The following TMEM132D variants were observed in gnomAD, a reference collection of about 807,000 sequenced individuals.
TMEM132D encodes the protein transmembrane protein 132D.
In TMEM132D, 21 loss-of-function variants were observed where a neutral mutation model predicts 62.3. The ratio of observed to expected loss-of-function variants is 0.34; its 90% CI spans 0.24 to 0.49. The LOEUF (loss-of-function observed/expected upper bound fraction) is 0.49, where lower values mean the gene tolerates loss of function less well. TMEM132D is among the 20% of genes least tolerant of loss of function. The pLI is 0.99. For synonymous variants in TMEM132D, 621 were observed against 575.6 expected, an observed-to-expected ratio of 1.08 and a Z score of -1.13; for missense variants, 1,346 against 1,402.8, an observed-to-expected ratio of 0.96 and a Z score of 0.65.
chr12:129,700,844 C>G (rs770490508), intron 1 of TMEM132D, 146 bp from the exon 2 acceptor site: 1 of 892,556 alleles, frequency 1.1e-6, no homozygotes, highest in Non-Finnish European at 1.6e-6. Flanking sequence ...TTAATCCAAT[C>G]TACTCGCTTC....
intron 4 of TMEM132D, among the ~76,000 whole-genome samples, chr12:129,315,938 A>G (rs1297245960): frequency 6.6e-6 from 1 of 152,168 alleles, no homozygotes; most frequent in Non-Finnish European, 1.5e-5. Context: ...AAAGGTGTTC[A>G]TAGTAACCTT....
intron 4 of TMEM132D, among the ~76,000 whole-genome samples, chr12:129,287,753 T>A (rs76632574): frequency 0.13 from 19,713 of 152,058 alleles, 1,480 homozygotes; most frequent in South Asian, 0.21. Flanking sequence ...AAAAGGTTGA[T>A]CTTTTGTGTG....
intron 5 of TMEM132D, among the ~76,000 whole-genome samples, chr12:129,109,192 C>A (rs1181133583): frequency 6.6e-6 from 1 of 152,160 alleles, no homozygotes; most frequent in Non-Finnish European, 1.5e-5. Flanking sequence ...AGACCCCAGG[C>A]CCGAATGGCC....
At chr12:129,664,934 C>T (rs1880338322) in intron 2 of TMEM132D, among the ~76,000 whole-genome samples, 2 of 152,166 alleles carry the variant, frequency 1.3e-5, no homozygotes. Context: ...TGTATGCATT[C>T]ACCACCACGA....
At chr12:129,147,627 AC>A (rs761932740) in intron 5 of TMEM132D, among the ~76,000 whole-genome samples, 2 of 151,896 alleles carry the variant, frequency 1.3e-5, no homozygotes, top group East Asian at 3.9e-4. Context: ...GTGTTAGACA[AC>A]GTATTCGTGT....
intron 5 of TMEM132D, among the ~76,000 whole-genome samples, chr12:129,098,067 G>A (rs570452643): frequency 3.9e-5 from 6 of 152,228 alleles, no homozygotes; most frequent in Non-Finnish European, 7.4e-5. Flanking sequence ...TAGTTCTGTG[G>A]CCCACTTTAA....
At chr12:129,314,464 A>C (rs866432651) in intron 4 of TMEM132D, among the ~76,000 whole-genome samples, 39 of 152,220 alleles carry the variant, frequency 2.6e-4, no homozygotes, top group African/African-American at 9.1e-4. Context: ...ATTCTGTTCC[A>C]TTGGTCTGTG....
intron 4 of TMEM132D, among the ~76,000 whole-genome samples, chr12:129,304,322 C>G (rs888990257): frequency 6.6e-6 from 1 of 152,152 alleles, no homozygotes; most frequent in African/African-American, 2.4e-5. Flanking sequence ...CAGGTCATGG[C>G]CTGAACAATC....
At chr12:129,315,044 G>A (rs1868438151) in intron 4 of TMEM132D, among the ~76,000 whole-genome samples, 2 of 152,100 alleles carry the variant, frequency 1.3e-5, no homozygotes, top group African/African-American at 2.4e-5. Context: ...GAGCTTTCAG[G>A]AGGAGTACTT....
intron 4 of TMEM132D, among the ~76,000 whole-genome samples, chr12:129,243,307 T>C (rs1358500822): frequency 2.0e-5 from 3 of 152,196 alleles, no homozygotes; most frequent in Non-Finnish European, 4.4e-5. Context: ...TACACGAGGA[T>C]TTTTAAGTTT....
At chr12:129,421,265 G>A (rs1346259626) in intron 3 of TMEM132D, among the ~76,000 whole-genome samples, 1 of 151,832 alleles carries the variant, frequency 6.6e-6, no homozygotes, top group Non-Finnish European at 1.5e-5. Flanking sequence ...GCCTGGCCTA[G>A]TGGATCTATT....
At chr12:129,218,490 G>A (rs1879269743) in intron 4 of TMEM132D, among the ~76,000 whole-genome samples, 1 of 149,468 alleles carries the variant, frequency 6.7e-6, no homozygotes, top group Non-Finnish European at 1.5e-5. Context: ...ACCATGGTAA[G>A]TATTTACCAT....
chr12:129,146,034 T>C (rs143387786), intron 5 of TMEM132D, among the ~76,000 whole-genome samples: 1 of 151,892 alleles, frequency 6.6e-6, no homozygotes, highest in Admixed American at 6.6e-5. Flanking sequence ...TGTGAAATGA[T>C]TACATAAGCT....
intron 3 of TMEM132D, among the ~76,000 whole-genome samples, chr12:129,503,979 T>G (rs1171119757): frequency 7.0e-6 from 1 of 142,166 alleles, no homozygotes; most frequent in Non-Finnish European, 1.5e-5. Context: ...TCATCACTAT[T>G]GTCATCATCA....
chr12:129,270,821 A>G (rs12300341), intron 4 of TMEM132D, among the ~76,000 whole-genome samples: 6,453 of 152,300 alleles, frequency 0.042, 258 homozygotes, highest in East Asian at 0.21. Flanking sequence ...CCAATTTGGT[A>G]CATGTCAAAA....
chr12:129,435,962 A>G (rs1206277145), intron 3 of TMEM132D, among the ~76,000 whole-genome samples: 2 of 152,210 alleles, frequency 1.3e-5, no homozygotes, highest in African/African-American at 4.8e-5. Flanking sequence ...TTTGGTCAAT[A>G]AGATACAAGT....
intron 1 of TMEM132D, among the ~76,000 whole-genome samples, chr12:129,776,219 C>T (rs1042794212): frequency 7.2e-5 from 11 of 152,026 alleles, no homozygotes; most frequent in Middle Eastern, 3.2e-3. Context: ...TCCATGATGC[C>T]AATTGCTCCA....
At chr12:129,706,113 T>C (rs1177064728) in intron 1 of TMEM132D, among the ~76,000 whole-genome samples, 3 of 152,022 alleles carry the variant, frequency 2.0e-5, no homozygotes, top group Non-Finnish European at 2.9e-5. Context: ...AAACAAAATA[T>C]GACAGAAGAA....
In TMEM132D at chr12:129,248,525, ATT is replaced by A. The variant is rs34055164; in HGVS notation, c.1300-38864_1300-38863del. Among the ~76,000 whole-genome samples the A allele has an allele frequency of 9.2e-3, 1,377 of 149,486 alleles. 11 individuals carry two copies. The highest frequency in any genetic ancestry group is 0.022 in the African/African-American group (894 of 40,838). On this transcript the variant is annotated intron_variant, in intron 4 of 8. Transcript: ENST00000422113. ...ATAACAAACATAGAAACAGGGGCTG[ATT>A]TTTTTTTTTTTATTAGAGTACTCAC...
Sources: gnomAD v4.1 joint callset for allele counts (sites outside exome capture counted in the v4.1 genomes callset) on GRCh38, gnomAD v4.1.1 for gene constraint, MANE v1.5 for transcripts, NCBI Gene and HGNC (gene_info 2026-07-23, HGNC 2026-07-21) for gene names.